The following PCDHGA5 variants were observed in gnomAD, a reference collection of about 807,000 sequenced individuals.
PCDHGA5 encodes the protein protocadherin gamma-A5.
Under a neutral mutation model 56.7 loss-of-function variants are expected in PCDHGA5, and 36 were observed. The observed-to-expected ratio is 0.64, with a 90% CI of 0.49 to 0.84. PCDHGA5 has a LOEUF of 0.84. Ranked by LOEUF, PCDHGA5 falls within the 40% of genes least tolerant of loss-of-function variation. The pLI is 0.00. For synonymous variants in PCDHGA5, 563 were observed against 520.2 expected, an observed-to-expected ratio of 1.08 and a Z score of -1.12; for missense variants, 1,305 against 1,201.5, an observed-to-expected ratio of 1.09 and a Z score of -1.27.
chr5:141,400,483 C>T (rs748464990), intron 1 of PCDHGA5: 1 of 1,614,020 alleles, frequency 6.2e-7, no homozygotes, highest in South Asian at 1.1e-5. Flanking sequence ...GGCCTTATTT[C>T]CACTTTGTAA....
At chr5:141,436,764 A>G (rs1248797699) in intron 1 of PCDHGA5, among the ~76,000 whole-genome samples, 1 of 152,214 alleles carries the variant, frequency 6.6e-6, no homozygotes, top group East Asian at 1.9e-4. Flanking sequence ...GGTATAATGG[A>G]ATGATTTGTG....
At chr5:141,368,270 A>G (rs963622826) in intron 1 of PCDHGA5, among the ~76,000 whole-genome samples, 1 of 152,184 alleles carries the variant, frequency 6.6e-6, no homozygotes, top group Non-Finnish European at 1.5e-5. Flanking sequence ...ACATTAAAGA[A>G]CCTAAGACCA....
At chr5:141,371,910 T>C in intron 1 of PCDHGA5, 1 of 1,613,364 alleles carries the variant, frequency 6.2e-7, no homozygotes, top group South Asian at 1.1e-5. Flanking sequence ...GTCCTACGTG[T>C]CCGTGAGCGC....
intron 1 of PCDHGA5, chr5:141,383,195 G>C: frequency 2.5e-6 from 4 of 1,614,044 alleles, no homozygotes; most frequent in Non-Finnish European, 3.4e-6. Flanking sequence ...TGCGCTCAGA[G>C]TGCGCGGTGT....
intron 1 of PCDHGA5, chr5:141,399,447 C>CAT: frequency 6.2e-7 from 1 of 1,614,006 alleles, no homozygotes; most frequent in Non-Finnish European, 8.5e-7. Flanking sequence ...ATATCAGAGA[C>CAT]GTCAACGATA....
chr5:141,437,664 A>G (rs10035418), intron 1 of PCDHGA5, among the ~76,000 whole-genome samples: 45,525 of 151,942 alleles, frequency 0.3, 8,040 homozygotes, highest in African/African-American at 0.5. Context: ...AGTTTCGAAG[A>G]GATGTTGATC....
intron 1 of PCDHGA5, among the ~76,000 whole-genome samples, chr5:141,456,917 C>G (rs1005360691): frequency 2.6e-5 from 4 of 152,032 alleles, no homozygotes; most frequent in Non-Finnish European, 5.9e-5. Context: ...GAGCCGAGAT[C>G]GCACCACTGC....
intron 1 of PCDHGA5, chr5:141,374,957 TTC>T (rs1770979960): frequency 6.2e-7 from 1 of 1,613,926 alleles, no homozygotes; most frequent in Non-Finnish European, 8.5e-7. Context: ...CTCACAAATT[TTC>T]TGTTTGAATG....
intron 2 of PCDHGA5, among the ~76,000 whole-genome samples, chr5:141,500,453 C>T (rs1403599390): frequency 6.6e-6 from 1 of 152,130 alleles, no homozygotes; most frequent in South Asian, 2.1e-4. Context: ...TCGTGATCCG[C>T]CCGCCTCGGC....
At position 141,402,911 on chromosome 5, in the gene PCDHGA5, C is replaced by CT. The variant is rs2094320554; in HGVS notation, c.2421+36160_2421+36161insT. 6 of 1,551,858 alleles carry CT rather than the reference C, an allele frequency of 3.9e-6. No homozygotes were observed. In the African/African-American group the frequency reaches 8.2e-5, roughly 21 times the overall value. ...GAAGAAAGAACCTGATGAAGCAGCG[C>CT]GCACAGAGATCCTTTTGAGAAAATT... On this transcript the variant is annotated intron_variant, in intron 1 of 3. Coordinates refer to ENST00000518069, the MANE Select transcript of PCDHGA5 (RefSeq NM_018918.3).
At chr5:141,459,603 A>G (rs867387156) in intron 1 of PCDHGA5, among the ~76,000 whole-genome samples, 1 of 152,244 alleles carries the variant, frequency 6.6e-6, no homozygotes, top group Non-Finnish European at 1.5e-5. Flanking sequence ...AATGGGAAGT[A>G]TATGCTTAAC....
At chr5:141,497,223 T>C (rs921763195) in intron 2 of PCDHGA5, among the ~76,000 whole-genome samples, 1 of 151,762 alleles carries the variant, frequency 6.6e-6, no homozygotes, top group Admixed American at 6.6e-5. Context: ...GGGGGGAAGA[T>C]CAGAGAAGGC....
chr5:141,364,366 G>C lies in PCDHGA5; in HGVS notation c.36G>C (p.Glu12Asp). The C allele has an allele frequency of 6.4e-7, 1 of 1,563,758 alleles. No homozygotes were observed. Among genetic ancestry groups the C allele is most frequent in the Non-Finnish European group, 8.6e-7 (1 of 1,157,062 alleles). Residue 12 changes from glutamate (E) to aspartate (D), a missense_variant, in exon 1 of 4, where the codon GAG becomes GAC. Transcript: ENST00000518069. ...CACCTAGGGGCTGGGGCTGCGGAGA[G>C]CTGCTGCTGCCCTTCATGCTCCTGG... ...ASPPRGWGCGELLLPFMLLGT... is the reference protein window; with the variant it reads ...ASPPRGWGCGDLLLPFMLLGT...
chr5:141,425,962 C>T (rs2096906059), intron 1 of PCDHGA5, among the ~76,000 whole-genome samples: 2 of 152,236 alleles, frequency 1.3e-5, no homozygotes, highest in African/African-American at 2.4e-5. Flanking sequence ...TAGTCCAACA[C>T]ATCAGTCTAA....
In PCDHGA5 at chr5:141,493,307, AAG is replaced by A. The variant is rs2099747490; in HGVS notation, c.2422-1494_2422-1493del. Among the ~76,000 whole-genome samples, 1 of 152,234 alleles carries A rather than the reference AAG, an allele frequency of 6.6e-6. No homozygotes were observed. Among genetic ancestry groups the A allele is most frequent in the South Asian group, 2.1e-4 (1 of 4,832 alleles). ...ACTTGCTCAAGTTCACAGAGCAAGT[AAG>A]AGAGATTCTAACCCCTGTCTAACTC... On this transcript the variant is annotated intron_variant, in intron 1 of 3. Transcript: ENST00000518069. This position sits in a 1 kb window ranked among gnomAD's most constrained non-coding sequence, Gnocchi z 4.3.
In PCDHGA5 at chr5:141,491,729, C is replaced by T. The variant is rs766649819; in HGVS notation, c.2422-3078C>T. On this transcript the variant is annotated intron_variant, in intron 1 of 3. Coordinates refer to ENST00000518069, the MANE Select transcript of PCDHGA5 (RefSeq NM_018918.3). This position sits in a 1 kb window ranked among gnomAD's most constrained non-coding sequence, Gnocchi z 6.9. ...AGGGGCTCGGCGCCGCCCCGGGCGA[C>T]CCCTGGGGGCGGCACTGGAGAAGCC... 6.1e-5 allele frequency: 98 copies of T among 1,603,832 alleles called. No homozygotes were observed. Among genetic ancestry groups the T allele is most frequent in the Non-Finnish European group, 7.9e-5 (93 of 1,175,848 alleles).
intron 1 of PCDHGA5, among the ~76,000 whole-genome samples, chr5:141,397,819 A>G (rs1159682049): frequency 6.6e-6 from 1 of 152,240 alleles, no homozygotes; most frequent in African/African-American, 2.4e-5. Flanking sequence ...AAAAACAATT[A>G]CTGCACTGGT....
At chr5:141,473,966 G>A (rs1268822103) in intron 1 of PCDHGA5, among the ~76,000 whole-genome samples, 3 of 152,174 alleles carry the variant, frequency 2.0e-5, no homozygotes, top group Non-Finnish European at 4.4e-5. Context: ...CTACTTAGAA[G>A]TCTGAGGCGG....
chr5:141,477,180 C>T lies in PCDHGA5; in HGVS notation c.2422-17627C>T. On this transcript the variant is annotated intron_variant, in intron 1 of 3. Coordinates refer to ENST00000518069, the MANE Select transcript of PCDHGA5 (RefSeq NM_018918.3). This position sits in a 1 kb window ranked among gnomAD's most constrained non-coding sequence, Gnocchi z 4.9. ...GACAACGCCCCGGAGATCACAGTCA[C>T]CTCCGTGTACAGCCCAGTACCCGAG... 1 of 1,614,196 alleles carries T rather than the reference C, an allele frequency of 6.2e-7. No homozygotes were observed. The highest frequency in any genetic ancestry group is 8.5e-7 in the Non-Finnish European group (1 of 1,180,032).
Sources: allele counts gnomAD v4.1 joint callset (sites outside exome capture counted in the v4.1 genomes callset), GRCh38; gene constraint gnomAD v4.1.1; non-coding constraint Gnocchi (gnomAD v3.1); transcripts MANE v1.5; gene names NCBI Gene and HGNC (gene_info 2026-07-23, HGNC 2026-07-21).